Variants in TET3 observed in about 807,000 individuals in gnomAD.
The protein encoded by TET3 is methylcytosine dioxygenase TET3.
TET3 carries 19 observed loss-of-function variants against 141.4 expected under a neutral mutation model. The observed-to-expected ratio is 0.13, with a 90% CI of 0.09 to 0.20. TET3 has a LOEUF of 0.20. Ranked by LOEUF, TET3 falls within the 10% of genes least tolerant of loss-of-function variation. The pLI is 1.00. For synonymous variants in TET3, 1,043 were observed against 980.9 expected, an observed-to-expected ratio of 1.06 and a Z score of -1.18; for missense variants, 1,874 against 2,356.9, an observed-to-expected ratio of 0.80 and a Z score of 4.24.
At chr2:74,026,523 A>G (rs1456066693) in intron 3 of TET3, among the ~76,000 whole-genome samples, 1 of 152,156 alleles carries the variant, frequency 6.6e-6, no homozygotes, top group South Asian at 2.1e-4. Flanking sequence ...TTTGCATTAC[A>G]AGGGCAGTGC....
At chr2:74,022,100 T>C (rs1686078859) in intron 3 of TET3, among the ~76,000 whole-genome samples, 1 of 149,606 alleles carries the variant, frequency 6.7e-6, no homozygotes, top group South Asian at 2.1e-4. Flanking sequence ...GACACTTTTT[T>C]TTTTTTTTTT....
chr2:73,994,615 TTTC>T (rs1388205180), intron 2 of TET3, among the ~76,000 whole-genome samples: 14 of 135,538 alleles, frequency 1.0e-4, no homozygotes, highest in African/African-American at 4.0e-4. Context: ...GTCTATTTTT[TTTC>T]TTTCTTTCTT....
intron 3 of TET3, among the ~76,000 whole-genome samples, chr2:74,017,961 CTTT>C (rs35319685): frequency 7.2e-5 from 7 of 97,226 alleles, no homozygotes; most frequent in Non-Finnish European, 1.1e-4. Flanking sequence ...TCTTCTGTCT[CTTT>C]TTTTTTTTTT....
intron 3 of TET3, among the ~76,000 whole-genome samples, chr2:74,024,147 T>C (rs72905297): frequency 0.03 from 4,518 of 152,334 alleles, 217 homozygotes; most frequent in African/African-American, 0.1. Context: ...ATCCTGGAGT[T>C]ATTTAGGAGA....
At position 74,003,142 on chromosome 2, in the gene TET3, G is replaced by T; in HGVS notation, c.336G>T (p.Pro112=). Residue 112 remains proline, a synonymous_variant, in exon 3 of 12, where the codon CCG becomes CCT. Transcript: ENST00000409262. ...VEIKAGEGAG[P]WGQGAAVKTG... The stretch of plus-strand genomic sequence containing the variant: ...TAAAGGCTGGTGAAGGAGCCGGGCC[G>T]TGGGGACAAGGAGCGGCTGTCAAGG... 6.4e-7 allele frequency: 1 copy of T among 1,550,518 alleles called. No individual in the cohort carries two copies. The highest frequency in any genetic ancestry group is 8.7e-7 in the Non-Finnish European group (1 of 1,146,968).
intron 4 of TET3, among the ~76,000 whole-genome samples, chr2:74,061,999 C>T (rs1319893209): frequency 7.2e-5 from 11 of 152,130 alleles, no homozygotes; most frequent in African/African-American, 2.7e-4. Flanking sequence ...CAGAGACGCT[C>T]CTCACTTCCC....
At chr2:74,001,880 C>T (rs1026885724) in intron 2 of TET3, among the ~76,000 whole-genome samples, 1 of 152,094 alleles carries the variant, frequency 6.6e-6, no homozygotes, top group Admixed American at 6.5e-5. Context: ...TTGGGGGTTA[C>T]CTCCTGTAGC....
chr2:74,102,166 G>A lies in TET3; in HGVS notation c.5378G>A (p.Arg1793His), dbSNP rs1416473503. The A allele has an allele frequency of 8.3e-6, 12 of 1,443,684 alleles. No individual in the cohort carries two copies. The highest frequency in any genetic ancestry group is 1.6e-5 in the South Asian group (1 of 63,218). 89.4% of individuals were successfully genotyped at this position (1,443,684 alleles called of 1,614,324 possible). Reference sequence around the variant, plus strand: ...ACGAAGGTCACTGGCCCCTACAGCCGCTGGATCTAGGTGCCAGGGAGCCAG... The same window carrying A: ...ACGAAGGTCACTGGCCCCTACAGCCACTGGATCTAGGTGCCAGGGAGCCAG... Reference protein sequence around the residue: ...AYTKVTGPYSRWI With the variant: ...AYTKVTGPYSHWI The change falls in exon 12 of 12, where the codon CGC becomes CAC. Residue 1793 changes from arginine (R) to histidine (H), a missense_variant. By Grantham distance (29) the Arg-to-His change is conservative. This residue lies in a region of TET3 where 113 missense variants were observed against 114.3 expected (regional missense o/e 0.99). Coordinates refer to ENST00000409262, the MANE Select transcript of TET3 (RefSeq NM_001287491.2).
intron 5 of TET3, among the ~76,000 whole-genome samples, chr2:74,079,699 A>C (rs1484806010): frequency 6.6e-6 from 1 of 152,134 alleles, no homozygotes; most frequent in East Asian, 1.9e-4. Flanking sequence ...AAGTTTAGTA[A>C]TTTGGCCACA....
At chr2:74,113,316 G>A in the TET3 span, among the ~76,000 whole-genome samples, 4 of 152,210 alleles carry the variant, frequency 2.6e-5, no homozygotes, top group East Asian at 5.8e-4. Flanking sequence ...AACCCGGGAC[G>A]TGGAGGTTGC....
Position 74,080,496 on chromosome 2 carries a change from A to G in TET3, c.2586-2A>G. 6.2e-7 allele frequency: 1 copy of G among 1,611,170 alleles called. No individual in the cohort carries two copies. Among genetic ancestry groups the G allele is most frequent in the Non-Finnish European group, 8.5e-7 (1 of 1,178,430 alleles). On this transcript the variant is annotated splice_acceptor_variant, in intron 5 of 11. Transcript: ENST00000409262. LOFTEE classifies it high-confidence loss of function. ...AATGGTGGCTTCTGTCTCCCTCTTC[A>G]GGTATGGAGAGAAGGGGAAAGCCAT...
At chr2:74,055,853 C>T (rs1267913075) in intron 4 of TET3, among the ~76,000 whole-genome samples, 2 of 152,184 alleles carry the variant, frequency 1.3e-5, no homozygotes, top group African/African-American at 4.8e-5. Flanking sequence ...TGAGCTGGCA[C>T]ACCCAGCCCC....
the TET3 span, among the ~76,000 whole-genome samples, chr2:74,132,381 AC>A: frequency 6.6e-6 from 1 of 152,126 alleles, no homozygotes; most frequent in African/African-American, 2.4e-5. Context: ...GGACTTGAAA[AC>A]AAAGTCTGCT....
Position 74,102,018 on chromosome 2 carries a change from C to T in TET3, c.5230C>T (p.Arg1744Cys), listed in dbSNP as rs747079275. The part of the protein sequence containing the change: ...QQEAKLYGKK[R>C]KWGGTVVAEP... ...GGAGGCCAAGCTCTACGGGAAGAAG[C>T]GCAAGTGGGGGGGCACTGTGGTTGC... The change falls in exon 12 of 12, where the codon CGC (arginine) becomes TGC (cysteine). Residue 1744 changes from arginine (R) to cysteine (C), a missense_variant. Around this residue, in one of 10 missense-constraint regions of TET3, gnomAD observed 113 missense variants for 114.3 expected, o/e 0.99. Transcript: ENST00000409262. The T allele has an allele frequency of 1.9e-6, 3 of 1,578,658 alleles. No homozygotes were observed. Among genetic ancestry groups the T allele is most frequent in the Non-Finnish European group, 2.6e-6 (3 of 1,160,230 alleles).
At chr2:74,015,330 C>T (rs570927844) in intron 3 of TET3, among the ~76,000 whole-genome samples, 19 of 152,154 alleles carry the variant, frequency 1.2e-4, no homozygotes, top group Non-Finnish European at 1.8e-4. Flanking sequence ...GAATAATGTA[C>T]GCCCATTTAA....
chr2:74,056,413 G>GT (rs979036695), intron 4 of TET3, among the ~76,000 whole-genome samples: 50 of 152,288 alleles, frequency 3.3e-4, no homozygotes, highest in Admixed American at 9.2e-4. Flanking sequence ...ATTTTAATGA[G>GT]TATAGAATTA....
intron 5 of TET3, among the ~76,000 whole-genome samples, chr2:74,075,829 C>T (rs1026575513): frequency 6.6e-6 from 1 of 152,184 alleles, no homozygotes; most frequent in Non-Finnish European, 1.5e-5. Flanking sequence ...ACTTCTGAGT[C>T]CATGAGCATG....
intron 3 of TET3, among the ~76,000 whole-genome samples, chr2:74,016,867 A>G (rs1408643781): frequency 6.6e-6 from 1 of 151,108 alleles, no homozygotes; most frequent in Non-Finnish European, 1.5e-5. Flanking sequence ...TGATGTTTCA[A>G]TGCATGTATA....
At chr2:74,120,288 G>C in the TET3 span, among the ~76,000 whole-genome samples, 1 of 152,236 alleles carries the variant, frequency 6.6e-6, no homozygotes, top group East Asian at 1.9e-4. Flanking sequence ...CTGGCCGACG[G>C]CCTCCACGGC....
Sources: allele counts gnomAD v4.1 joint callset (sites outside exome capture counted in the v4.1 genomes callset), GRCh38; gene constraint gnomAD v4.1.1; regional missense constraint gnomAD v4.1.1; transcripts MANE v1.5; gene names NCBI Gene and HGNC (gene_info 2026-07-23, HGNC 2026-07-21).